The following RIMS2 variants were observed in gnomAD, a reference collection of about 807,000 sequenced individuals.
RIMS2 encodes the protein regulating synaptic membrane exocytosis 2, also known as regulating synaptic membrane exocytosis protein 2.
A neutral mutation model predicts 174.4 loss-of-function variants in RIMS2; 59 were observed. That is an observed-to-expected ratio of 0.34 (90% CI 0.27 to 0.42). The LOEUF is 0.42. Ranked by LOEUF, RIMS2 falls within the 10% of genes least tolerant of loss-of-function variation. RIMS2 has a pLI of 1.00. For synonymous variants in RIMS2, 606 were observed against 572.5 expected, an observed-to-expected ratio of 1.06 and a Z score of -0.84; for missense variants, 1,620 against 1,666.3, an observed-to-expected ratio of 0.97 and a Z score of 0.48.
intron 19 of RIMS2, among the ~76,000 whole-genome samples, chr8:104,134,322 G>A (rs975049888): frequency 2.0e-5 from 3 of 152,008 alleles, no homozygotes; most frequent in South Asian, 2.1e-4. Context: ...AAAATTAGCC[G>A]AGCATGGTGT....
chr8:104,179,464 T>C (rs1171710798), intron 19 of RIMS2, among the ~76,000 whole-genome samples: 1 of 151,954 alleles, frequency 6.6e-6, no homozygotes, highest in Non-Finnish European at 1.5e-5. Flanking sequence ...TCTTTACTAA[T>C]AATAATGCAC....
At position 103,803,203 on chromosome 8, in the gene RIMS2, A is replaced by T. The variant is rs2098626911; in HGVS notation, c.698+36666A>T. 3.3e-5 allele frequency among the ~76,000 whole-genome samples: 5 copies of T among 152,204 alleles called. No homozygotes were observed. In the South Asian group the frequency reaches 1.0e-3, roughly 32 times the overall value. On this transcript the variant is annotated intron_variant, in intron 3 of 23. Coordinates refer to ENST00000504942, the Ensembl canonical transcript of RIMS2. ...TATAAAAATAATTATTATAGTTCAA[A>T]TTTTTATGCTAAATGATATGGAATA...
chr8:103,640,764 T>C (rs967102053), intron 1 of RIMS2, among the ~76,000 whole-genome samples: 2 of 152,086 alleles, frequency 1.3e-5, no homozygotes, highest in South Asian at 2.1e-4. Flanking sequence ...GGGTGTTTCA[T>C]GGCCTAGAAT....
intron 3 of RIMS2, among the ~76,000 whole-genome samples, chr8:103,786,282 C>A (rs1320372766): frequency 6.6e-6 from 1 of 152,098 alleles, no homozygotes; most frequent in African/African-American, 2.4e-5. Context: ...CAGTTCTCCT[C>A]TGATTTTAGT....
At chr8:103,579,384 T>G (rs562827590) in intron 1 of RIMS2, among the ~76,000 whole-genome samples, 2 of 152,100 alleles carry the variant, frequency 1.3e-5, no homozygotes, top group African/African-American at 2.4e-5. Flanking sequence ...GTATAAAACC[T>G]ACTGATAAAA....
At chr8:103,773,735 A>C (rs1199544534) in intron 3 of RIMS2, among the ~76,000 whole-genome samples, 1 of 152,118 alleles carries the variant, frequency 6.6e-6, no homozygotes, top group Non-Finnish European at 1.5e-5. Context: ...CATCTAAAAA[A>C]ACAAAACAAA....
At chr8:103,577,944 T>A (rs913115883) in intron 1 of RIMS2, among the ~76,000 whole-genome samples, 1 of 151,818 alleles carries the variant, frequency 6.6e-6, no homozygotes, top group African/African-American at 2.4e-5. Flanking sequence ...AAGAAAAAAT[T>A]TAAAAGGAAT....
chr8:103,755,257 C>T (rs2097972258), intron 2 of RIMS2, among the ~76,000 whole-genome samples: 1 of 152,150 alleles, frequency 6.6e-6, no homozygotes, highest in Non-Finnish European at 1.5e-5. Flanking sequence ...AATATTGGCC[C>T]CCACTCCGTT....
chr8:103,650,704 A>G (rs528500056), intron 1 of RIMS2, among the ~76,000 whole-genome samples: 37 of 152,342 alleles, frequency 2.4e-4, no homozygotes, highest in Admixed American at 1.2e-3. Flanking sequence ...CAAGGCAGCT[A>G]TGCTGCTCTG....
At chr8:104,010,723 G>C (rs144940900) in intron 17 of RIMS2, among the ~76,000 whole-genome samples, 3 of 152,190 alleles carry the variant, frequency 2.0e-5, no homozygotes, top group African/African-American at 7.2e-5. Context: ...CTTTTTAAAA[G>C]ACAATGGAAT....
chr8:104,033,683 A>G (rs749595954), intron 19 of RIMS2, among the ~76,000 whole-genome samples: 4 of 151,718 alleles, frequency 2.6e-5, no homozygotes, highest in Non-Finnish European at 4.4e-5. Context: ...GGAAATTGAA[A>G]CCCTAAATGT....
intron 1 of RIMS2, among the ~76,000 whole-genome samples, chr8:103,593,580 C>A (rs939335134): frequency 1.3e-5 from 2 of 151,410 alleles, no homozygotes; most frequent in Admixed American, 6.6e-5. Context: ...AAATTTTCTT[C>A]ATTTACTTCA....
At chr8:104,071,708 T>C (rs1017975647) in intron 19 of RIMS2, among the ~76,000 whole-genome samples, 3 of 152,126 alleles carry the variant, frequency 2.0e-5, no homozygotes, top group Admixed American at 2.0e-4. Flanking sequence ...AGTGCTGGGA[T>C]TACAGGCATG....
chr8:103,881,860 C>T (rs895375963), intron 3 of RIMS2, among the ~76,000 whole-genome samples: 2 of 151,016 alleles, frequency 1.3e-5, no homozygotes. Context: ...AGAAGTGAAT[C>T]GATATTAGGT....
chr8:103,607,972 T>C (rs1386101222), intron 1 of RIMS2, among the ~76,000 whole-genome samples: 2 of 146,322 alleles, frequency 1.4e-5, no homozygotes, highest in African/African-American at 5.2e-5. Context: ...CAGAGTAATT[T>C]GATCGTCTGA....
At chr8:104,069,791 C>A (rs532441414) in intron 19 of RIMS2, among the ~76,000 whole-genome samples, 7 of 152,122 alleles carry the variant, frequency 4.6e-5, no homozygotes, top group African/African-American at 1.4e-4. Context: ...TACTCCATTA[C>A]CTTTTTATAT....
chr8:103,873,548 A>T (rs551322098), intron 3 of RIMS2, among the ~76,000 whole-genome samples: 1 of 152,238 alleles, frequency 6.6e-6, no homozygotes, highest in Admixed American at 6.6e-5. Flanking sequence ...GAATTACTTT[A>T]AAAAAGCAGC....
chr8:103,819,190 G>A (rs969460496), intron 3 of RIMS2: 35 of 1,148,080 alleles, frequency 3.0e-5, no homozygotes, highest in Middle Eastern at 3.8e-4. Context: ...AGAGAAATAT[G>A]AGTAGAGTAC....
chr8:103,568,187 A>G (rs2092525062), intron 1 of RIMS2, among the ~76,000 whole-genome samples: 1 of 151,812 alleles, frequency 6.6e-6, no homozygotes. Flanking sequence ...AGTCCCAGCT[A>G]CTCAGGAGGC....
Sources: gnomAD v4.1 joint callset for allele counts (sites outside exome capture counted in the v4.1 genomes callset) on GRCh38, gnomAD v4.1.1 for gene constraint, MANE v1.5 for transcripts, NCBI Gene and HGNC (gene_info 2026-07-23, HGNC 2026-07-21) for gene names.